The following GOLGA6L6 variants were observed in gnomAD, a reference collection of about 807,000 sequenced individuals.
GOLGA6L6 encodes golgin A6 family like 6 (gene/pseudogene), also known as golgin subfamily A member 6-like protein 6.
A neutral mutation model predicts 75.6 loss-of-function variants in GOLGA6L6; 12 were observed. That is an observed-to-expected ratio of 0.16 (90% confidence interval 0.10 to 0.26). The LOEUF (loss-of-function observed/expected upper bound fraction) is 0.26. GOLGA6L6 is among the 10% of genes least tolerant of loss of function. GOLGA6L6 has a pLI of 1.00. For synonymous variants in GOLGA6L6, 38 were observed against 179.2 expected, an observed-to-expected ratio of 0.21 and a Z score of 6.29; for missense variants, 144 against 598.5, an observed-to-expected ratio of 0.24 and a Z score of 7.92.
rs1391037286 is a variant in GOLGA6L6, at chr15:20,533,267, G to T, written c.*336C>A. On this transcript the variant is annotated 3_prime_UTR_variant, in exon 9 of 9. Transcript: ENST00000619213. ...CCTCCCAGGTTCAAGCGATTCTCCT[G>T]CCTCAGCCTCCCAAGTAGCTGGGAT... The T allele has an allele frequency of 1.3e-5, 2 of 149,768 alleles. No individual in the cohort carries two copies. The highest frequency in any genetic ancestry group is 2.7e-5 in the Non-Finnish European group (2 of 72,736). The allele number at this position is 149,768 out of a possible 1,614,324, so 9.3% of individuals were successfully genotyped here.
chr15:20,535,035 T>C lies in GOLGA6L6; in HGVS notation c.1399A>G (p.Arg467Gly), dbSNP rs1346724787. 3.7e-6 allele frequency: 5 copies of C among 1,362,088 alleles called. No individual in the cohort carries two copies. In the African/African-American group the frequency reaches 8.7e-5, roughly 24 times the overall value. 84.4% of individuals were successfully genotyped at this position (1,362,088 alleles called of 1,614,324 possible). A position where few individuals can be genotyped will look rare whatever the true frequency, so the allele number is the denominator to read the frequency against. ...TGCTCGTGCATCTTCTCCTTTTGCCTCCATATCTCCTCCTGCTCCCTTATC... is the reference window on the plus strand; with the variant it reads ...TGCTCGTGCATCTTCTCCTTTTGCCCCCATATCTCCTCCTGCTCCCTTATC... The part of the protein sequence containing the change: ...EKIREQEEIW[R>G]QKEKMHEQEE... Residue 467 changes from arginine to glycine, a missense_variant, in exon 8 of 9, where the codon AGG becomes GGG. Coordinates refer to ENST00000619213, the MANE Select transcript of GOLGA6L6 (RefSeq NM_001145004.2).
Position 20,534,478 on chromosome 15 carries a change from C to A in GOLGA6L6, c.1956G>T (p.Arg652Ser). Reference sequence around the variant, plus strand: ...GCTCCCGTATCTTCTTCTCCTGCTCCCTTATCTTCTCCTCCTGCCTCCACA... The same window carrying A: ...GCTCCCGTATCTTCTTCTCCTGCTCACTTATCTTCTCCTCCTGCCTCCACA... ...ETMWRQEEKI[R>S]EQEKKIREQE... The change falls in exon 8 of 9, where the codon AGG becomes AGT. Residue 652 changes from arginine (R) to serine (S), a missense_variant. Transcript: ENST00000619213. The A allele has an allele frequency of 6.8e-7, 1 of 1,461,732 alleles. No individual in the cohort carries two copies. Among genetic ancestry groups the A allele is most frequent in the African/African-American group, 1.6e-5 (1 of 64,236 alleles). The allele number at this position is 1,461,732 out of a possible 1,614,324, so 90.5% of individuals were successfully genotyped here.
rs1890296633 is a variant in GOLGA6L6, at chr15:20,534,599, T to C, written c.1835A>G (p.Gln612Arg). The C allele has an allele frequency of 6.5e-7, 1 of 1,529,184 alleles. No homozygotes were observed. The highest frequency in any genetic ancestry group is 8.8e-7 in the Non-Finnish European group (1 of 1,138,348). 94.7% of individuals were successfully genotyped at this position (1,529,184 alleles called of 1,614,324 possible). A position where few individuals can be genotyped will look rare whatever the true frequency, so the allele number is the denominator to read the frequency against. Reference sequence around the variant, plus strand: ...TTCCTGTTCCTGCGTCATCTCCTCCTGCTCTCGTATCTTCTCCTCCTGCTC... The same window carrying C: ...TTCCTGTTCCTGCGTCATCTCCTCCCGCTCTCGTATCTTCTCCTCCTGCTC... ...IREQEEKIRE[Q>R]EEMTQEQEEK... Residue 612 changes from glutamine to arginine, a missense_variant, in exon 8 of 9, where the codon CAG becomes CGG. Gln to Arg is a conservative substitution (Grantham distance 43). Coordinates refer to ENST00000619213, the MANE Select transcript of GOLGA6L6 (RefSeq NM_001145004.2).
chr15:20,534,790 C>CT lies in GOLGA6L6; in HGVS notation c.1643_1644insA (p.Gln549AlafsTer84). The CT allele has an allele frequency of 1.0e-6, 1 of 976,804 alleles. No homozygotes were observed. Among genetic ancestry groups the CT allele is most frequent in the South Asian group, 1.5e-5 (1 of 65,754 alleles). 60.5% of individuals were successfully genotyped at this position (976,804 alleles called of 1,614,324 possible). On this transcript the variant is annotated frameshift_variant, in exon 8 of 9. Coordinates refer to ENST00000619213, the MANE Select transcript of GOLGA6L6 (RefSeq NM_001145004.2). LOFTEE classifies it high-confidence loss of function. ...CCTGCTCCCGTATCTTCTCCTCCTG[C>CT]CTCCACATCTTATCCTCCTGCTCCT...
intron 5 of GOLGA6L6, among the ~76,000 whole-genome samples, 180 bp from the exon 6 acceptor site, chr15:20,537,052 CTTTT>C (rs1177066820): frequency 3.1e-5 from 1 of 32,506 alleles, no homozygotes; most frequent in African/African-American, 1.7e-4. Context: ...TTCTTTCTTT[CTTTT>C]TTTTTTTTTT....
At position 20,536,411 on chromosome 15, in the gene GOLGA6L6, CT is replaced by C. The variant is rs1890370421; in HGVS notation, c.674del (p.Lys225SerfsTer8). ...QEKLQLVESE[K>X]SEIQLNVKEL... ...CCTTTACGTTGAGCTGGATCTCAGA[CT>C]TTTCAGATTCTACAAGTTGAAGTTT... On this transcript the variant is annotated frameshift_variant, in exon 7 of 9. Coordinates refer to ENST00000619213, the MANE Select transcript of GOLGA6L6 (RefSeq NM_001145004.2). LOFTEE classifies it high-confidence loss of function. 4.6e-6 allele frequency: 6 copies of C among 1,313,480 alleles called. No individual in the cohort carries two copies. Among genetic ancestry groups the C allele is most frequent in the Admixed American group, 5.4e-5 (2 of 37,090 alleles). The allele number at this position is 1,313,480 out of a possible 1,614,324, so 81.4% of individuals were successfully genotyped here. A position where few individuals can be genotyped will look rare whatever the true frequency, so the allele number is the denominator to read the frequency against.
chr15:20,534,409 C>T lies in GOLGA6L6; in HGVS notation c.2025G>A (p.Gln675=), dbSNP rs770724685. The T allele has an allele frequency of 7.1e-7, 1 of 1,400,302 alleles. No homozygotes were observed. 86.7% of individuals were successfully genotyped at this position (1,400,302 alleles called of 1,614,324 possible). ...IREQEEMMQE[Q]EEKMWEQEEK... ...CCTCCTGCTCCCACATCTTCTCTTC[C>T]TGTTCCTGCATCATCTCCTCCTGCT... The change falls in exon 8 of 9, where the codon CAG becomes CAA. Residue 675 remains glutamine, a synonymous_variant. Coordinates refer to ENST00000619213, the MANE Select transcript of GOLGA6L6 (RefSeq NM_001145004.2).
chr15:20,532,547 G>T lies in GOLGA6L6; in HGVS notation c.*1056C>A, dbSNP rs1184346639. The stretch of plus-strand genomic sequence containing the variant: ...AAACAACAAAAAAAGGACAGATGAA[G>T]GTTTTCAACTTTCAGTAAAGGCAGA... On this transcript the variant is annotated 3_prime_UTR_variant, in exon 9 of 9. Transcript: ENST00000619213. 7.1e-6 allele frequency: 1 copy of T among 141,840 alleles called. No individual in the cohort carries two copies. Among genetic ancestry groups the T allele is most frequent in the African/African-American group, 2.7e-5 (1 of 36,762 alleles). 8.8% of individuals were successfully genotyped at this position (141,840 alleles called of 1,614,324 possible).
chr15:20,535,048 C>T lies in GOLGA6L6; in HGVS notation c.1386G>A (p.Gln462=). The stretch of plus-strand genomic sequence containing the variant: ...TCTCCTTTTGCCTCCATATCTCCTC[C>T]TGCTCCCTTATCTTCTCCTCCTGCC... The part of the protein sequence containing the change: ...MWRQEEKIRE[Q]EEIWRQKEKM... The change falls in exon 8 of 9, where the codon CAG becomes CAA. Residue 462 remains glutamine (Q), a synonymous_variant. Transcript: ENST00000619213. 7.6e-7 allele frequency: 1 copy of T among 1,324,372 alleles called. No individual in the cohort carries two copies. Among genetic ancestry groups the T allele is most frequent in the Non-Finnish European group, 1.0e-6 (1 of 970,848 alleles). The allele number at this position is 1,324,372 out of a possible 1,614,324, so 82.0% of individuals were successfully genotyped here.
At position 20,535,911 on chromosome 15, in the gene GOLGA6L6, G is replaced by A. The variant is rs1219796534; in HGVS notation, c.745-222C>T. On this transcript the variant is annotated intron_variant, in intron 7 of 8. Transcript: ENST00000619213. ...AAATACAAAAAATTAGCTGGGTGTG[G>A]TGGTGGGCACCTGTAGTCCCAGCTA... Among the ~76,000 whole-genome samples the A allele has an allele frequency of 6.1e-5, 4 of 65,304 alleles. No individual in the cohort carries two copies. The Admixed American group carries it at 7.3e-4, about 12-fold the overall frequency. The allele number at this position is 65,304 out of a possible 152,430, so 42.8% of individuals were successfully genotyped here.
rs1890424099 is a variant in GOLGA6L6 at position 20,538,514 on chromosome 15, G to C, written c.376C>G (p.Gln126Glu). Residue 126 changes from glutamine (Q) to glutamate (E), a missense_variant, in exon 4 of 9, where the codon CAG becomes GAG. Transcript: ENST00000619213. ...QVHTIRILTC[Q>E]KTELQMALYY... ...AGTGCCATCTGAAGCTCAGTTTTCTGACATGTAAGGATTCGTATGGTATGA... is the reference window on the plus strand; with the variant it reads ...AGTGCCATCTGAAGCTCAGTTTTCTCACATGTAAGGATTCGTATGGTATGA... 1 of 1,103,074 alleles carries C rather than the reference G, an allele frequency of 9.1e-7. No individual in the cohort carries two copies. The highest frequency in any genetic ancestry group is 1.3e-6 in the Non-Finnish European group (1 of 772,558). 68.3% of individuals were successfully genotyped at this position (1,103,074 alleles called of 1,614,324 possible).
intron 2 of GOLGA6L6, 113 bp from the exon 3 acceptor site, chr15:20,538,799 G>C (rs982644813): frequency 1.6e-6 from 1 of 637,048 alleles, no homozygotes; most frequent in Non-Finnish European, 2.7e-6. Flanking sequence ...CATGGGACCA[G>C]TTTATCAGGG....
rs1286521112 is a variant in GOLGA6L6, at chr15:20,533,258, G to C, written c.*345C>G. 1.3e-5 allele frequency: 2 copies of C among 156,200 alleles called. No individual in the cohort carries two copies. Among genetic ancestry groups the C allele is most frequent in the African/African-American group, 5.6e-5 (2 of 35,802 alleles). 9.7% of individuals were successfully genotyped at this position (156,200 alleles called of 1,614,324 possible). A position where few individuals can be genotyped will look rare whatever the true frequency, so the allele number is the denominator to read the frequency against. On this transcript the variant is annotated 3_prime_UTR_variant, in exon 9 of 9. Coordinates refer to ENST00000619213, the MANE Select transcript of GOLGA6L6 (RefSeq NM_001145004.2). ...CAACCTCTGCCTCCCAGGTTCAAGC[G>C]ATTCTCCTGCCTCAGCCTCCCAAGT...
chr15:20,532,412 C>A lies in GOLGA6L6; in HGVS notation c.*1191G>T, dbSNP rs1160294936. The A allele has an allele frequency of 8.3e-6, 1 of 120,472 alleles. No homozygotes were observed. Among genetic ancestry groups the A allele is most frequent in the African/African-American group, 3.3e-5 (1 of 30,190 alleles). The allele number at this position is 120,472 out of a possible 1,614,324, so 7.5% of individuals were successfully genotyped here. ...GCCAGGCATGGTGGCACACGCTACT[C>A]GGGAAGCTGAGGCAGGAGAATTGCT... On this transcript the variant is annotated 3_prime_UTR_variant, in exon 9 of 9. Coordinates refer to ENST00000619213, the MANE Select transcript of GOLGA6L6 (RefSeq NM_001145004.2).
chr15:20,537,531 T>A (rs1890395945), intron 5 of GOLGA6L6, among the ~76,000 whole-genome samples: 2 of 147,948 alleles, frequency 1.4e-5, no homozygotes, highest in Admixed American at 1.4e-4. Context: ...ACAATCCCAT[T>A]TAATCCTCAC....
chr15:20,536,478 GT>G lies in GOLGA6L6; in HGVS notation c.607del (p.Thr203LeufsTer5). 1.3e-6 allele frequency: 1 copy of G among 763,900 alleles called. No homozygotes were observed. The highest frequency in any genetic ancestry group is 1.8e-6 in the Non-Finnish European group (1 of 549,036). 47.3% of individuals were successfully genotyped at this position (763,900 alleles called of 1,614,324 possible). ...ATTTTTCTCCTTCAGCTCCTCATCA[GT>G]TATCCTATGGCCAGAGGCAGTAGAG... ...LSLELYRNTI[T>X]DEELKEKNAE... On this transcript the variant is annotated frameshift_variant, in exon 7 of 9. Coordinates refer to ENST00000619213, the MANE Select transcript of GOLGA6L6 (RefSeq NM_001145004.2). LOFTEE classifies it high-confidence loss of function.
rs1344778674 is a variant in GOLGA6L6 at position 20,535,205 on chromosome 15, T to A, written c.1229A>T (p.Glu410Val). 69 of 861,440 alleles carry A rather than the reference T, an allele frequency of 8.0e-5. No homozygotes were observed. The Middle Eastern group carries it at 1.3e-3, about 16-fold the overall frequency. The allele number at this position is 861,440 out of a possible 1,614,324, so 53.4% of individuals were successfully genotyped here. A position where few individuals can be genotyped will look rare whatever the true frequency, so the allele number is the denominator to read the frequency against. ...QEQEAKMWRQEEKIREQEEKI... is the reference protein window; with the variant it reads ...QEQEAKMWRQVEKIREQEEKI... The stretch of plus-strand genomic sequence containing the variant: ...CTCTTCCTGCTCCCGTATCTTCTCC[T>A]CCTGCCTCCACATCTTCGCCTCCTG... Residue 410 changes from glutamate to valine, a missense_variant, in exon 8 of 9, where the codon GAG becomes GTG. Physicochemically the swap from Glu to Val is moderately radical, Grantham distance 121 (BLOSUM62 -2). Transcript: ENST00000619213.
chr15:20,539,254 C>A (rs1352799206), intron 2 of GOLGA6L6, among the ~76,000 whole-genome samples: 1 of 55,950 alleles, frequency 1.8e-5, no homozygotes, highest in African/African-American at 8.0e-5. Flanking sequence ...AAAAGCCCAC[C>A]CTTCCGCCAG....
chr15:20,535,026 C>T lies in GOLGA6L6; in HGVS notation c.1408G>A (p.Glu470Lys), dbSNP rs1333923875. ...REQEEIWRQKEKMHEQEEKIR... is the reference protein window; with the variant it reads ...REQEEIWRQKKKMHEQEEKIR... ...TTCTCCTCCTGCTCGTGCATCTTCT[C>T]CTTTTGCCTCCATATCTCCTCCTGC... The change falls in exon 8 of 9, where the codon GAG becomes AAG. Residue 470 changes from glutamate (E) to lysine (K), a missense_variant. Transcript: ENST00000619213. 2 of 1,405,032 alleles carry T rather than the reference C, an allele frequency of 1.4e-6. No homozygotes were observed. The highest frequency in any genetic ancestry group is 2.6e-5 in the South Asian group (2 of 77,576). The allele number at this position is 1,405,032 out of a possible 1,614,324, so 87.0% of individuals were successfully genotyped here.
Sources: allele counts gnomAD v4.1 joint callset (sites outside exome capture counted in the v4.1 genomes callset), GRCh38; gene constraint gnomAD v4.1.1; transcripts MANE v1.5; gene names NCBI Gene and HGNC (gene_info 2026-07-23, HGNC 2026-07-21).